Variants in ZNF469 observed in about 807,000 individuals in gnomAD.
ZNF469 encodes zinc finger protein 469.
ZNF469 carries 1 observed loss-of-function variant against 1.0 expected under a neutral mutation model. The observed-to-expected ratio is 1.00, with a 90% CI of 0.35 to 4.73. The LOEUF is 4.73. Ranked by LOEUF, ZNF469 falls within the 30% of genes most tolerant of loss-of-function variation. ZNF469 has a pLI of 0.16. For synonymous variants in ZNF469, 2,703 were observed against 2,363.4 expected (o/e 1.14, Z -4.17); for missense variants, 6,100 against 5,356.3 (o/e 1.14, Z -4.33).
chr16:88,366,620 CCACTATCAGCACCATCACCATCAT>C, the ZNF469 span, among the ~76,000 whole-genome samples: 5 of 45,492 alleles, frequency 1.1e-4, no homozygotes, highest in East Asian at 1.9e-3. Flanking sequence ...ACCATCATCA[CCACTATCAGCACCATCACCATCAT>C]CACCACCACC....
intron 1 of ZNF469, among the ~76,000 whole-genome samples, chr16:88,406,348 T>C (rs1340350348): frequency 6.6e-6 from 1 of 152,192 alleles, no homozygotes; most frequent in Admixed American, 6.5e-5. Flanking sequence ...TGGCCCTGTG[T>C]ATGTGTGCCT....
At chr16:88,182,851 G>A in the ZNF469 span, among the ~76,000 whole-genome samples, 1 of 151,884 alleles carries the variant, frequency 6.6e-6, no homozygotes, top group Non-Finnish European at 1.5e-5. Flanking sequence ...TTCTTAGATA[G>A]GATACAAAAA....
chr16:88,400,898 T>G (rs7204552), intron 1 of ZNF469, among the ~76,000 whole-genome samples: 1 of 150,694 alleles, frequency 6.6e-6, no homozygotes, highest in African/African-American at 2.4e-5. Context: ...GGCCAGGGGG[T>G]GGCGGGGGCA....
rs936284356 is a variant in ZNF469 at position 88,428,001 on chromosome 16, G to A, written c.531G>A (p.Glu177=). Residue 177 remains glutamate (E), a synonymous_variant, in exon 3 of 3, where the codon GAG becomes GAA. Coordinates refer to ENST00000565624, the MANE Select transcript of ZNF469 (RefSeq NM_001367624.2). ...CTGAGGCCCAACCCGCCGCCGAAGA[G>A]CTTGGCTTCCACAGGTGCTTCCAGG... ...PRTEAQPAAE[E]LGFHRCFQEP... 1.9e-6 allele frequency: 3 copies of A among 1,550,024 alleles called. No individual in the cohort carries two copies. Among genetic ancestry groups the A allele is most frequent in the Admixed American group, 3.9e-5 (2 of 50,998 alleles).
At chr16:88,327,983 T>C in the ZNF469 span, among the ~76,000 whole-genome samples, 2 of 152,104 alleles carry the variant, frequency 1.3e-5, no homozygotes, top group Non-Finnish European at 2.9e-5. Context: ...TCCCAGCCAA[T>C]GGGGAATGCA....
chr16:88,321,736 T>C, the ZNF469 span, among the ~76,000 whole-genome samples: 1 of 149,762 alleles, frequency 6.7e-6, no homozygotes, highest in African/African-American at 2.5e-5. Context: ...ACATGACCCT[T>C]GGCTTCTGCA....
the ZNF469 span, among the ~76,000 whole-genome samples, chr16:88,203,965 G>C: frequency 1.3e-5 from 2 of 152,256 alleles, no homozygotes; most frequent in East Asian, 1.9e-4. Context: ...ATAAGCCCCA[G>C]AGAGCAGCTG....
At chr16:88,240,827 G>A in the ZNF469 span, among the ~76,000 whole-genome samples, 11,893 of 152,108 alleles carry the variant, frequency 0.078, 1,538 homozygotes, top group African/African-American at 0.27. Flanking sequence ...GTCCTTCCCG[G>A]CCCACTTCCC....
At chr16:88,354,355 C>G in the ZNF469 span, among the ~76,000 whole-genome samples, 1 of 152,174 alleles carries the variant, frequency 6.6e-6, no homozygotes, top group African/African-American at 2.4e-5. Context: ...GCCAGGTCCT[C>G]GGCTCCCTGG....
chr16:88,284,230 G>A, the ZNF469 span, among the ~76,000 whole-genome samples: 1 of 152,332 alleles, frequency 6.6e-6, no homozygotes, highest in East Asian at 1.9e-4. Context: ...GTCTGCTGCT[G>A]CCATTAGGTT....
intron 1 of ZNF469, among the ~76,000 whole-genome samples, chr16:88,423,302 G>A (rs2142292697): frequency 7.1e-6 from 1 of 141,188 alleles, no homozygotes; most frequent in East Asian, 2.1e-4. Flanking sequence ...TAGGTGGGTG[G>A]ATGGATGGAT....
the ZNF469 span, among the ~76,000 whole-genome samples, chr16:88,270,411 A>C: frequency 5.9e-5 from 9 of 152,118 alleles, no homozygotes; most frequent in Non-Finnish European, 1.3e-4. Flanking sequence ...AGGGTCCTGG[A>C]TGCTCGCACC....
chr16:88,436,886 C>T lies in ZNF469; in HGVS notation c.9416C>T (p.Pro3139Leu). 6.6e-7 allele frequency: 1 copy of T among 1,505,822 alleles called. No individual in the cohort carries two copies. Among genetic ancestry groups the T allele is most frequent in the Middle Eastern group, 1.8e-4 (1 of 5,678 alleles). 93.3% of individuals were successfully genotyped at this position (1,505,822 alleles called of 1,614,324 possible). A position where few individuals can be genotyped will look rare whatever the true frequency, so the allele number is the denominator to read the frequency against. The change falls in exon 3 of 3, where the codon CCC (proline) becomes CTC (leucine). Residue 3139 changes from proline to leucine, a missense_variant. Coordinates refer to ENST00000565624, the MANE Select transcript of ZNF469 (RefSeq NM_001367624.2). ...GACCTGCACAAGCTGGCCCACACGC[C>T]CGCGCCGCCGCCCACCTGCTACATG... ...ELDLHKLAHT[P>L]APPPTCYMCV...
At chr16:88,381,121 C>T (rs540913936), upstream of ZNF469, among the ~76,000 whole-genome samples, 691 of 148,628 alleles carry the variant, frequency 4.6e-3, 2 homozygotes, top group Non-Finnish European at 7.2e-3. Flanking sequence ...CGCACACACG[C>T]ACACACAGAC....
chr16:88,322,766 G>A, the ZNF469 span, among the ~76,000 whole-genome samples: 1 of 152,154 alleles, frequency 6.6e-6, no homozygotes, highest in Non-Finnish European at 1.5e-5. Flanking sequence ...GGCCCTCCCC[G>A]TGCCCACCCA....
chr16:88,269,526 T>A, the ZNF469 span, among the ~76,000 whole-genome samples: 329 of 152,288 alleles, frequency 2.2e-3, 3 homozygotes, highest in African/African-American at 7.4e-3. Context: ...TCTTACTATG[T>A]GACTTTCCAA....
chr16:88,351,017 G>A, the ZNF469 span, among the ~76,000 whole-genome samples: 2 of 152,224 alleles, frequency 1.3e-5, no homozygotes, highest in Admixed American at 1.3e-4. Flanking sequence ...TGTTGCAGCA[G>A]CAAGGCGACC....
chr16:88,379,186 G>T (rs1037636438), upstream of ZNF469, among the ~76,000 whole-genome samples: 1 of 152,126 alleles, frequency 6.6e-6, no homozygotes, highest in African/African-American at 2.4e-5. Flanking sequence ...AGGAAACCTC[G>T]CCCCCCGAGG....
the ZNF469 span, among the ~76,000 whole-genome samples, chr16:88,132,025 C>A: frequency 2.0e-5 from 3 of 152,226 alleles, no homozygotes; most frequent in Non-Finnish European, 4.4e-5. Context: ...TGGGCAGCGG[C>A]AGGACGGCAC....
Sources: gnomAD v4.1 joint callset for allele counts (sites outside exome capture counted in the v4.1 genomes callset) on GRCh38, gnomAD v4.1.1 for gene constraint, MANE v1.5 for transcripts, NCBI Gene and HGNC (gene_info 2026-07-23, HGNC 2026-07-21) for gene names.